DAB2: variants seen among roughly 807,000 people sequenced by gnomAD.
The protein encoded by DAB2 is DAB adaptor protein 2, also known as disabled homolog 2.
Under a neutral mutation model 71.6 loss-of-function variants are expected in DAB2, and 28 were observed. The observed-to-expected ratio is 0.39, with a 90% confidence interval of 0.29 to 0.54. The LOEUF is 0.54. Ranked by LOEUF, DAB2 falls within the 20% of genes least tolerant of loss-of-function variation. DAB2 has a pLI of 0.68. For missense variants in DAB2, 867 were observed against 928.8 expected (o/e 0.93, Z 0.86); for synonymous variants, 345 against 339.7 (o/e 1.02, Z -0.17).
intron 1 of DAB2, among the ~76,000 whole-genome samples, chr5:39,399,078 G>A (rs1265634291): frequency 6.6e-6 from 1 of 152,150 alleles, no homozygotes; most frequent in Non-Finnish European, 1.5e-5. Flanking sequence ...GGGCTCTGTT[G>A]AAGAAAGTGT....
chr5:39,393,506 C>T, intron 2 of DAB2, 113 bp from the exon 3 acceptor site: 1 of 1,088,770 alleles, frequency 9.2e-7, no homozygotes, highest in East Asian at 2.4e-5. Flanking sequence ...TACAACTGAT[C>T]ATGTATGTAA....
chr5:39,398,377 CT>C (rs1441791602), intron 1 of DAB2, among the ~76,000 whole-genome samples: 1 of 152,148 alleles, frequency 6.6e-6, no homozygotes, highest in Non-Finnish European at 1.5e-5. Flanking sequence ...AAAAATTTCT[CT>C]GTTCAGATAT....
intron 1 of DAB2, among the ~76,000 whole-genome samples, chr5:39,424,470 TAC>T (rs56974213): frequency 0.047 from 6,350 of 134,394 alleles, 169 homozygotes; most frequent in Non-Finnish European, 0.053. Flanking sequence ...GCAGACCTTT[TAC>T]ACACACACAC....
At chr5:39,381,801 T>C (rs1457467088) in intron 10 of DAB2, among the ~76,000 whole-genome samples, 185 bp from the exon 11 acceptor site, 1 of 152,204 alleles carries the variant, frequency 6.6e-6, no homozygotes, top group South Asian at 2.1e-4. Flanking sequence ...CACAGATTCC[T>C]ACAACGGACG....
intron 11 of DAB2, among the ~76,000 whole-genome samples, chr5:39,378,286 C>T (rs914259203): frequency 2.0e-5 from 3 of 152,192 alleles, no homozygotes; most frequent in African/African-American, 7.2e-5. Context: ...GTCTTTCCTG[C>T]CTCTTTCCAA....
chr5:39,407,432 C>T (rs539674438), intron 1 of DAB2, among the ~76,000 whole-genome samples: 1 of 152,288 alleles, frequency 6.6e-6, no homozygotes, highest in East Asian at 1.9e-4. Context: ...TTTGGCCAGG[C>T]TGGTCTCAAA....
chr5:39,416,571 T>C (rs1348756380), intron 1 of DAB2, among the ~76,000 whole-genome samples: 2 of 152,174 alleles, frequency 1.3e-5, no homozygotes, highest in Non-Finnish European at 2.9e-5. Context: ...AACAGACACA[T>C]AGACACACCA....
At chr5:39,413,726 T>C (rs1463268149) in intron 1 of DAB2, among the ~76,000 whole-genome samples, 1 of 152,208 alleles carries the variant, frequency 6.6e-6, no homozygotes, top group Admixed American at 6.5e-5. Context: ...CTGCTTCTTA[T>C]ACATTTAGAA....
At chr5:39,390,061 C>CT in intron 5 of DAB2, 129 bp from the exon 6 acceptor site, 1 of 676,108 alleles carries the variant, frequency 1.5e-6, no homozygotes, top group Non-Finnish European at 2.5e-6. Flanking sequence ...CCTCTGCTGG[C>CT]TTATAGGGGA....
intron 9 of DAB2, chr5:39,385,138 C>T (rs1363077539): frequency 6.6e-6 from 1 of 151,706 alleles, no homozygotes; most frequent in African/African-American, 2.4e-5. Flanking sequence ...CAGGCTTTCT[C>T]TTTATAAAAG....
intron 14 of DAB2, 33 bp downstream of exon 14, chr5:39,374,981 C>A (rs767575906): frequency 7.0e-7 from 1 of 1,418,506 alleles, no homozygotes; most frequent in Middle Eastern, 1.8e-4. Flanking sequence ...CACAAAAACC[C>A]CTGAGACAGG....
Position 39,376,167 on chromosome 5 carries a change from C to T in DAB2, c.2138-61G>A, listed in dbSNP as rs1754823127. The T allele has an allele frequency of 5.4e-6, 7 of 1,290,348 alleles. No homozygotes were observed. In the Admixed American group the frequency reaches 1.0e-4, roughly 19 times the overall value. 79.9% of individuals were successfully genotyped at this position (1,290,348 alleles called of 1,614,324 possible). On this transcript the variant is annotated intron_variant, in intron 12 of 14. Coordinates refer to ENST00000320816, the MANE Select transcript of DAB2 (RefSeq NM_001343.4). ...GCTTTCCCCAAATATAGGCCAGTCC[C>T]CGAGTCAGCTTATTTTTGAAGTTTA...
In DAB2 at chr5:39,377,159, G is replaced by A; in HGVS notation, c.1628C>T (p.Pro543Leu). 2 of 1,614,100 alleles carry A rather than the reference G, an allele frequency of 1.2e-6. No homozygotes were observed. The highest frequency in any genetic ancestry group is 1.1e-5 in the South Asian group (1 of 91,084). ...MGGQPSGFSQ[P>L]VIFGTSPAVS... is the part of the protein sequence containing the mutation. ...AGCTGGACTTGTACCAAAAATGACGGGCTGACTAAAACCTGAAGGTTGACC... is the reference window on the plus strand; with the variant it reads ...AGCTGGACTTGTACCAAAAATGACGAGCTGACTAAAACCTGAAGGTTGACC... Residue 543 changes from proline to leucine, a missense_variant, in exon 12 of 15, where the codon CCC becomes CTC. Transcript: ENST00000320816.
intron 1 of DAB2, among the ~76,000 whole-genome samples, chr5:39,410,094 T>C (rs991157979): frequency 7.9e-5 from 12 of 152,156 alleles, no homozygotes; most frequent in African/African-American, 2.9e-4. Context: ...TCATCTATTT[T>C]AGTCATCTCT....
intron 1 of DAB2, among the ~76,000 whole-genome samples, chr5:39,395,937 C>CTTGTTTTTTTTT (rs1755356335): frequency 1.3e-5 from 1 of 74,858 alleles, no homozygotes; most frequent in Non-Finnish European, 2.3e-5. Flanking sequence ...CACAGATATT[C>CTTGTTTTTTTTT]TTTTTTTTTT....
intron 4 of DAB2, among the ~76,000 whole-genome samples, chr5:39,391,662 T>C (rs1755229856): frequency 6.6e-6 from 1 of 152,124 alleles, no homozygotes; most frequent in Non-Finnish European, 1.5e-5. Context: ...AGTCTTATGA[T>C]GTTACATTGA....
At chr5:39,406,825 A>G (rs557934572) in intron 1 of DAB2, among the ~76,000 whole-genome samples, 2 of 152,318 alleles carry the variant, frequency 1.3e-5, no homozygotes, top group South Asian at 4.1e-4. Context: ...AACAACTTAC[A>G]TGAAAAATAT....
intron 6 of DAB2, among the ~76,000 whole-genome samples, chr5:39,389,487 T>A (rs889758716): frequency 2.0e-5 from 3 of 152,200 alleles, no homozygotes; most frequent in Non-Finnish European, 2.9e-5. Flanking sequence ...TTATATATAA[T>A]ATTAAACATA....
intron 1 of DAB2, among the ~76,000 whole-genome samples, chr5:39,403,972 G>A (rs532216929): frequency 6.6e-6 from 1 of 151,910 alleles, no homozygotes; most frequent in South Asian, 2.1e-4. Context: ...CATTTTTTAT[G>A]GCTGCATAGT....
Sources: gnomAD v4.1 joint callset for allele counts (sites outside exome capture counted in the v4.1 genomes callset) on GRCh38, gnomAD v4.1.1 for gene constraint, MANE v1.5 for transcripts, NCBI Gene and HGNC (gene_info 2026-07-23, HGNC 2026-07-21) for gene names.